SCAPER: variants seen among roughly 807,000 people sequenced by gnomAD.
The protein encoded by SCAPER is S phase cyclin A-associated protein in the endoplasmic reticulum.
SCAPER carries 98 observed loss-of-function variants against 182.2 expected under a neutral mutation model. That is an observed-to-expected ratio of 0.54 (90% confidence interval 0.46 to 0.64). The LOEUF (loss-of-function observed/expected upper bound fraction) is 0.64. Ranked by LOEUF, SCAPER falls within the 30% of genes least tolerant of loss-of-function variation. The pLI is 0.00. For synonymous variants in SCAPER, 605 were observed against 564.6 expected (o/e 1.07, Z -1.01); for missense variants, 1,432 against 1,690.0 (o/e 0.85, Z 2.68).
chr15:76,568,350 T>C (rs2047195291), intron 23 of SCAPER, among the ~76,000 whole-genome samples: 1 of 151,992 alleles, frequency 6.6e-6, no homozygotes, highest in East Asian at 1.9e-4. Context: ...AGAGCAAATC[T>C]TCCCATATCG....
chr15:76,845,119 A>G lies in SCAPER; in HGVS notation c.196-3188T>C, dbSNP rs1311289910. On this transcript the variant is annotated intron_variant, in intron 4 of 31. Coordinates refer to ENST00000563290, the MANE Select transcript of SCAPER (RefSeq NM_020843.4). ...ATATCATATAACAAAATGAATAAAA[A>G]TCACACAATCATTCCAATGCATGCT... Among the ~76,000 whole-genome samples the G allele has an allele frequency of 2.6e-5, 4 of 152,316 alleles. No individual in the cohort carries two copies. In the East Asian group the frequency reaches 7.7e-4, roughly 29 times the overall value.
chr15:76,390,483 A>G (rs551053884), intron 27 of SCAPER, among the ~76,000 whole-genome samples: 4 of 152,288 alleles, frequency 2.6e-5, no homozygotes, highest in African/African-American at 9.6e-5. Context: ...GGAAGAGTAA[A>G]GAGGTGACAG....
chr15:76,628,215 T>C (rs2052766744), intron 21 of SCAPER, among the ~76,000 whole-genome samples: 1 of 152,232 alleles, frequency 6.6e-6, no homozygotes. Context: ...AAAAATTTTC[T>C]CCCATTCTGT....
At chr15:76,837,129 C>T (rs2069023426) in intron 5 of SCAPER, among the ~76,000 whole-genome samples, 1 of 152,160 alleles carries the variant, frequency 6.6e-6, no homozygotes, top group Non-Finnish European at 1.5e-5. Context: ...AGAAAACATT[C>T]ACAAACTATG....
intron 26 of SCAPER, among the ~76,000 whole-genome samples, chr15:76,429,656 T>C (rs1169205167): frequency 6.6e-6 from 1 of 152,134 alleles, no homozygotes; most frequent in East Asian, 1.9e-4. Context: ...AAGAAATTTC[T>C]AAGCAGCAAA....
intron 8 of SCAPER, among the ~76,000 whole-genome samples, chr15:76,788,158 T>G (rs923843728): frequency 1.3e-5 from 2 of 152,184 alleles, no homozygotes; most frequent in Non-Finnish European, 2.9e-5. Flanking sequence ...CAAAATTCTC[T>G]GGTAACACCA....
chr15:76,884,595 A>G (rs1254487554), intron 1 of SCAPER, among the ~76,000 whole-genome samples: 2 of 152,206 alleles, frequency 1.3e-5, no homozygotes, highest in Non-Finnish European at 2.9e-5. Flanking sequence ...GAAAGCAGCA[A>G]ATGGAACCAA....
chr15:76,472,227 C>T (rs1596841712), intron 24 of SCAPER: 2 of 536,786 alleles, frequency 3.7e-6, no homozygotes, highest in Non-Finnish European at 7.2e-6. Context: ...TAAAAAGTCC[C>T]CTGCAAAGGA....
intron 1 of SCAPER, among the ~76,000 whole-genome samples, chr15:76,888,635 G>GTTT (rs1309878524): frequency 6.6e-6 from 1 of 152,062 alleles, no homozygotes; most frequent in Non-Finnish European, 1.5e-5. Context: ...AAAAAAAAGA[G>GTTT]TAAAAAGAAA....
At chr15:76,389,806 A>G in intron 27 of SCAPER, among the ~76,000 whole-genome samples, 1 of 122,668 alleles carries the variant, frequency 8.2e-6, no homozygotes, top group Non-Finnish European at 1.7e-5. Flanking sequence ...ACAGAGTAAG[A>G]CTCCGTCTCA....
At chr15:76,514,771 AT>A (rs1379520246) in intron 23 of SCAPER, among the ~76,000 whole-genome samples, 2 of 152,204 alleles carry the variant, frequency 1.3e-5, no homozygotes, top group African/African-American at 4.8e-5. Context: ...TGAAGTGAAA[AT>A]TTTTATGGTC....
chr15:76,385,459 G>C (rs945991328), intron 27 of SCAPER, among the ~76,000 whole-genome samples: 1 of 152,094 alleles, frequency 6.6e-6, no homozygotes, highest in South Asian at 2.1e-4. Flanking sequence ...ATCCCTGAGG[G>C]ATCTTGTGAG....
intron 23 of SCAPER, among the ~76,000 whole-genome samples, chr15:76,546,985 T>A (rs1381530428): frequency 6.6e-6 from 1 of 152,152 alleles, no homozygotes; most frequent in Non-Finnish European, 1.5e-5. Flanking sequence ...CAGATTTCTG[T>A]TATTAAAATG....
chr15:76,721,312 T>C (rs2060226449), intron 17 of SCAPER, among the ~76,000 whole-genome samples: 1 of 152,168 alleles, frequency 6.6e-6, no homozygotes, highest in Admixed American at 6.5e-5. Context: ...AGTACCATGC[T>C]GTTTTGGTTA....
At chr15:76,711,054 AAG>A (rs1296886083) in intron 17 of SCAPER, among the ~76,000 whole-genome samples, 1 of 152,160 alleles carries the variant, frequency 6.6e-6, no homozygotes, top group Non-Finnish European at 1.5e-5. Flanking sequence ...AAAAGTTAAA[AAG>A]AATTACAGAA....
intron 23 of SCAPER, among the ~76,000 whole-genome samples, chr15:76,535,449 G>C (rs1005417979): frequency 1.4e-5 from 2 of 145,912 alleles, no homozygotes; most frequent in Non-Finnish European, 3.0e-5. Flanking sequence ...GTGAACCCAG[G>C]AGGCGGAGGT....
At chr15:76,750,765 A>T (rs1283687943) in intron 15 of SCAPER, among the ~76,000 whole-genome samples, 2 of 151,946 alleles carry the variant, frequency 1.3e-5, no homozygotes, top group Non-Finnish European at 2.9e-5. Context: ...CTATGTATGA[A>T]AAAACCTCAA....
At chr15:76,563,537 A>C (rs2046803303) in intron 23 of SCAPER, among the ~76,000 whole-genome samples, 1 of 152,160 alleles carries the variant, frequency 6.6e-6, no homozygotes, top group Non-Finnish European at 1.5e-5. Context: ...ATAGCCAATC[A>C]ACCAAAAAAA....
chr15:76,406,614 CTACACA>C (rs1160887574), intron 26 of SCAPER, among the ~76,000 whole-genome samples: 1 of 47,502 alleles, frequency 2.1e-5, no homozygotes, highest in Non-Finnish European at 4.2e-5. Flanking sequence ...GAGACCCTGT[CTACACA>C]CACACACACA....
Sources: gnomAD v4.1 joint callset for allele counts (sites outside exome capture counted in the v4.1 genomes callset) on GRCh38, gnomAD v4.1.1 for gene constraint, MANE v1.5 for transcripts, NCBI Gene and HGNC (gene_info 2026-07-23, HGNC 2026-07-21) for gene names.